The following MAP3K7CL variants were observed in gnomAD, a reference collection of about 807,000 sequenced individuals.
MAP3K7CL encodes the protein MAP3K7 C-terminal-like protein.
A neutral mutation model predicts 18.6 loss-of-function variants in MAP3K7CL; 16 were observed. That is an observed-to-expected ratio of 0.86 (90% confidence interval 0.58 to 1.31). MAP3K7CL has a LOEUF of 1.31. MAP3K7CL is among the 50% of genes most tolerant of loss of function. The probability of loss-of-function intolerance (pLI) is 0.00; values close to 1 mark genes in which losing one functional copy is unlikely to be tolerated. For missense variants in MAP3K7CL, 163 were observed against 174.4 expected (o/e 0.93, Z 0.37); for synonymous variants, 65 against 66.8 (o/e 0.97, Z 0.13).
intron 4 of MAP3K7CL, among the ~76,000 whole-genome samples, chr21:29,120,674 C>A (rs200550563): frequency 4.7e-5 from 2 of 42,782 alleles, no homozygotes; most frequent in South Asian, 1.2e-3. Flanking sequence ...CTTTCTTTTT[C>A]TTTCTTTCTT....
intron 4 of MAP3K7CL, among the ~76,000 whole-genome samples, chr21:29,118,857 T>A (rs1368676523): frequency 6.6e-6 from 1 of 152,258 alleles, no homozygotes; most frequent in African/African-American, 2.4e-5. Context: ...AAGTTGTGCA[T>A]GCGCATATGT....
intron 4 of MAP3K7CL, among the ~76,000 whole-genome samples, chr21:29,173,478 C>T (rs891339612): frequency 6.6e-6 from 1 of 152,208 alleles, no homozygotes; most frequent in African/African-American, 2.4e-5. Flanking sequence ...ACCAGCAGTA[C>T]AAAGCCTTCC....
chr21:29,119,547 G>C (rs1485664903), intron 4 of MAP3K7CL, among the ~76,000 whole-genome samples: 1 of 152,060 alleles, frequency 6.6e-6, no homozygotes, highest in African/African-American at 2.4e-5. Context: ...CCTGTGTGCT[G>C]TTGCGCCTTT....
chr21:29,136,868 G>T (rs147715185), intron 2 of MAP3K7CL, among the ~76,000 whole-genome samples: 140 of 152,318 alleles, frequency 9.2e-4, no homozygotes, highest in Admixed American at 1.6e-3. Flanking sequence ...ATTTCATCCA[G>T]TCATTTCAGG....
In MAP3K7CL at chr21:29,174,703, A is replaced by C. The variant is rs754246150; in HGVS notation, c.249-9A>C. The C allele has an allele frequency of 8.7e-6, 14 of 1,613,804 alleles. No individual in the cohort carries two copies. The highest frequency in any genetic ancestry group is 1.3e-5 in the African/African-American group (1 of 74,918). On this transcript the variant is annotated splice_polypyrimidine_tract_variant and intron_variant, in intron 4 of 4. Coordinates refer to ENST00000399928, the MANE Select transcript of MAP3K7CL (RefSeq NM_001286620.2). ...GTGCTTCTTCCTGCCCTTTACCCCG[A>C]ATCTTCAGGAAGGAGCTCATTGCCA...
chr21:29,144,613 T>G (rs2087085739), intron 2 of MAP3K7CL, among the ~76,000 whole-genome samples: 1 of 151,854 alleles, frequency 6.6e-6, no homozygotes, highest in African/African-American at 2.4e-5. Flanking sequence ...AATCGTGGAG[T>G]CTTGGGTGGC....
chr21:29,133,431 A>G lies in MAP3K7CL; in HGVS notation c.70+17A>G, dbSNP rs1251566768. 2 of 1,514,528 alleles carry G rather than the reference A, an allele frequency of 1.3e-6. No homozygotes were observed. Among genetic ancestry groups the G allele is most frequent in the Admixed American group, 2.0e-5 (1 of 49,022 alleles). The allele number at this position is 1,514,528 out of a possible 1,614,324, so 93.8% of individuals were successfully genotyped here. On this transcript the variant is annotated intron_variant, in intron 2 of 4. Coordinates refer to ENST00000399928, the MANE Select transcript of MAP3K7CL (RefSeq NM_001286620.2). ...ACGCCTCAGGTATACTCTGCTCTGG[A>G]AGAAGGATTGTTTCCTTCATACCCC...
intron 4 of MAP3K7CL, among the ~76,000 whole-genome samples, chr21:29,163,848 A>C (rs1277092915): frequency 6.6e-6 from 1 of 151,870 alleles, no homozygotes; most frequent in African/African-American, 2.4e-5. Flanking sequence ...GGTGCATGCC[A>C]GCATGCCCAG....
intron 1 of MAP3K7CL, 23 bp from the exon 2 acceptor site, chr21:29,133,283 A>T: frequency 6.5e-7 from 1 of 1,529,782 alleles, no homozygotes; most frequent in East Asian, 2.5e-5. Context: ...TAAAGTGACA[A>T]TGGCTCTCTC....
chr21:29,108,826 T>G (rs1197357760), intron 4 of MAP3K7CL, among the ~76,000 whole-genome samples: 1 of 152,200 alleles, frequency 6.6e-6, no homozygotes, highest in African/African-American at 2.4e-5. Context: ...TCTCCCTGCC[T>G]CAGTAGAATA....
In MAP3K7CL at chr21:29,160,310, C is replaced by T. The variant is rs567948398; in HGVS notation, c.248+254C>T. The stretch of plus-strand genomic sequence containing the variant: ...TGAAATTAAAAATGCCAAAATACCA[C>T]CCAAAACCACACTATGTTTTCCGTA... On this transcript the variant is annotated intron_variant, in intron 4 of 4. Transcript: ENST00000399928. Among the ~76,000 whole-genome samples, 15 of 152,298 alleles carry T rather than the reference C, an allele frequency of 9.8e-5. No homozygotes were observed. In the South Asian group the frequency reaches 2.1e-3, roughly 21 times the overall value.
intron 4 of MAP3K7CL, among the ~76,000 whole-genome samples, chr21:29,163,496 T>C (rs1259231283): frequency 1.3e-5 from 2 of 152,200 alleles, no homozygotes; most frequent in Non-Finnish European, 1.5e-5. Flanking sequence ...TTCTTGTTGC[T>C]AGAAAATGAC....
At chr21:29,109,773 A>C in intron 4 of MAP3K7CL, 1 of 985,562 alleles carries the variant, frequency 1.0e-6, no homozygotes, top group Non-Finnish European at 1.2e-6. Flanking sequence ...ATGGTCTAAT[A>C]AAGTGTCTTT....
chr21:29,166,393 A>C (rs2087689161), intron 4 of MAP3K7CL, among the ~76,000 whole-genome samples: 1 of 152,174 alleles, frequency 6.6e-6, no homozygotes, highest in Admixed American at 6.5e-5. Flanking sequence ...CACATTAAAA[A>C]ATCTATTCTT....
chr21:29,126,358 C>G (rs1354738623), upstream of MAP3K7CL, among the ~76,000 whole-genome samples: 1 of 152,196 alleles, frequency 6.6e-6, no homozygotes, highest in Non-Finnish European at 1.5e-5. Flanking sequence ...TACATGTTGT[C>G]TATGGCTGCC....
chr21:29,174,828 C>G lies in MAP3K7CL; in HGVS notation c.365C>G (p.Ser122Cys), dbSNP rs568351962. 2.5e-6 allele frequency: 4 copies of G among 1,614,130 alleles called. No homozygotes were observed. Among genetic ancestry groups the G allele is most frequent in the African/African-American group, 2.7e-5 (2 of 75,022 alleles). Reference sequence around the variant, plus strand: ...AATCGGACGTTGAGGTTGGCCCAGTCTCAATGTGTGGAACAACTGGAGAAA... The same window carrying G: ...AATCGGACGTTGAGGTTGGCCCAGTGTCAATGTGTGGAACAACTGGAGAAA... The part of the protein sequence containing the change: ...EENRTLRLAQ[S>C]QCVEQLEKLR... Residue 122 changes from serine to cysteine, a missense_variant, in exon 5 of 5, where the codon TCT becomes TGT. Ser to Cys is a moderately radical substitution (Grantham distance 112, BLOSUM62 -1). Transcript: ENST00000399928.
chr21:29,116,678 C>T (rs977299702), intron 4 of MAP3K7CL, among the ~76,000 whole-genome samples: 1 of 152,082 alleles, frequency 6.6e-6, no homozygotes, highest in East Asian at 1.9e-4. Context: ...TCTTGATAAA[C>T]AGGGAATGTC....
intron 4 of MAP3K7CL, among the ~76,000 whole-genome samples, chr21:29,124,982 A>G (rs1441379723): frequency 1.3e-5 from 2 of 152,324 alleles, no homozygotes; most frequent in South Asian, 4.1e-4. Flanking sequence ...CCTAGATGAA[A>G]AAACTGAGTC....
chr21:29,100,104 A>G (rs1003840341), intron 4 of MAP3K7CL, among the ~76,000 whole-genome samples: 2 of 147,182 alleles, frequency 1.4e-5, no homozygotes, highest in Admixed American at 6.9e-5. Context: ...AAAAAAAAAA[A>G]GGAAATGGAT....
Sources: gnomAD v4.1 joint callset for allele counts (sites outside exome capture counted in the v4.1 genomes callset) on GRCh38, gnomAD v4.1.1 for gene constraint, MANE v1.5 for transcripts, NCBI Gene and HGNC (gene_info 2026-07-23, HGNC 2026-07-21) for gene names.